The following CELF2 variants were observed in gnomAD, a reference collection of about 807,000 sequenced individuals.
CELF2 encodes CUGBP Elav-like family member 2.
In CELF2, 8 loss-of-function variants were observed where a neutral mutation model predicts 62.6. The ratio of observed to expected loss-of-function variants is 0.13; its 90% CI spans 0.07 to 0.23. The LOEUF is 0.23. Ranked by LOEUF, CELF2 falls within the 10% of genes least tolerant of loss-of-function variation. CELF2 has a pLI of 1.00. For missense variants in CELF2, 333 were observed against 671.0 expected, an observed-to-expected ratio of 0.50 and a Z score of 5.56; for synonymous variants, 258 against 250.0, an observed-to-expected ratio of 1.03 and a Z score of -0.30.
chr10:10,648,461 C>T, the CELF2 span, among the ~76,000 whole-genome samples: 8 of 152,192 alleles, frequency 5.3e-5, no homozygotes, highest in Non-Finnish European at 7.3e-5. Context: ...ATACTTATCG[C>T]TCACTAGTTT....
In CELF2 at chr10:11,316,808, G is replaced by A. The variant is rs1283334613; in HGVS notation, c.1096+2550G>A. On this transcript the variant is annotated intron_variant, in intron 10 of 12. Transcript: ENST00000633077. This position sits in a 1 kb window ranked among gnomAD's most constrained non-coding sequence, Gnocchi z 4.4. ...TCCCAAAAAACGAAGTTTTTGGTCA[G>A]TAGACAAGTAGCTCAATTAAACTGT... 6.6e-6 allele frequency: 1 copy of A among 152,186 alleles called. No homozygotes were observed. The highest frequency in any genetic ancestry group is 2.1e-4 in the South Asian group (1 of 4,830). 9.4% of individuals were successfully genotyped at this position (152,186 alleles called of 1,614,324 possible).
At chr10:10,775,970 T>C in the CELF2 span, among the ~76,000 whole-genome samples, 1 of 152,150 alleles carries the variant, frequency 6.6e-6, no homozygotes, top group Non-Finnish European at 1.5e-5. Flanking sequence ...CCTTGTCACT[T>C]ACAAGCTGGG....
At chr10:10,662,095 G>A in the CELF2 span, among the ~76,000 whole-genome samples, 710 of 152,222 alleles carry the variant, frequency 4.7e-3, 4 homozygotes, top group Non-Finnish European at 7.1e-3. Flanking sequence ...GCCATTAACA[G>A]CCAGCACACA....
chr10:10,536,638 C>T, the CELF2 span, among the ~76,000 whole-genome samples: 1 of 152,160 alleles, frequency 6.6e-6, no homozygotes, highest in African/African-American at 2.4e-5. Flanking sequence ...GCAAGTGTCC[C>T]AACAGGTAAC....
chr10:10,904,336 C>G (rs1182447515), intron 1 of CELF2, among the ~76,000 whole-genome samples: 3 of 151,928 alleles, frequency 2.0e-5, no homozygotes, highest in African/African-American at 7.3e-5. Context: ...AAGCGATCCT[C>G]CCACGTCTAC....
At chr10:10,788,006 C>G in the CELF2 span, among the ~76,000 whole-genome samples, 9 of 152,136 alleles carry the variant, frequency 5.9e-5, no homozygotes, top group African/African-American at 1.7e-4. Context: ...GACTCTACCA[C>G]TAGATTAGAA....
At chr10:10,989,443 A>G (rs908034987) in intron 2 of CELF2, among the ~76,000 whole-genome samples, 10 of 152,136 alleles carry the variant, frequency 6.6e-5, no homozygotes, top group African/African-American at 2.4e-4. Flanking sequence ...CTTACCCCAA[A>G]AACCCCAGGG....
At chr10:10,825,371 A>G (rs1010882479) in intron 1 of CELF2, among the ~76,000 whole-genome samples, 2 of 151,982 alleles carry the variant, frequency 1.3e-5, no homozygotes, top group Non-Finnish European at 2.9e-5. Context: ...CACCAAGCCC[A>G]GCTAATTTTT....
rs188053419 is a variant in CELF2, at chr10:11,224,463, T to C, written c.354+6956T>C. On this transcript the variant is annotated intron_variant, in intron 3 of 12. Coordinates refer to ENST00000633077, the MANE Select transcript of CELF2 (RefSeq NM_001326342.2). The surrounding 1 kb of genome is among the most constrained non-coding windows in gnomAD (Gnocchi z 4.5). Reference sequence around the variant, plus strand: ...CCAAGATTAAACTGGGAATATGCAGTTCACTTACGTCGACCTTAGTTCCCA... The same window carrying C: ...CCAAGATTAAACTGGGAATATGCAGCTCACTTACGTCGACCTTAGTTCCCA... Among the ~76,000 whole-genome samples, 90 of 152,262 alleles carry C rather than the reference T, an allele frequency of 5.9e-4. No individual in the cohort carries two copies. Among genetic ancestry groups the C allele is most frequent in the African/African-American group, 2.1e-3 (86 of 41,554 alleles).
the CELF2 span, among the ~76,000 whole-genome samples, chr10:10,597,139 T>A: frequency 1.3e-5 from 2 of 152,274 alleles, no homozygotes; most frequent in South Asian, 4.1e-4. Context: ...CAAATATGAA[T>A]TTTCTAAGTG....
chr10:10,501,398 G>A, the CELF2 span, among the ~76,000 whole-genome samples: 5 of 152,000 alleles, frequency 3.3e-5, no homozygotes, highest in East Asian at 1.9e-4. Context: ...TGACTTCCGC[G>A]TATCCTCTTT....
At chr10:11,005,255 G>GAGGGA (rs1554767090), upstream of CELF2, 1 of 1,080,494 alleles carries the variant, frequency 9.3e-7, no homozygotes, top group Non-Finnish European at 1.2e-6. The surrounding 1 kb of genome is among the most constrained non-coding windows in gnomAD (Gnocchi z 4.3). Context: ...AGAGAGAGAG[G>GAGGGA]GAGAGAGAGA....
intron 1 of CELF2, among the ~76,000 whole-genome samples, chr10:10,902,343 A>G (rs181716615): frequency 3.2e-4 from 48 of 152,354 alleles, no homozygotes; most frequent in Admixed American, 5.2e-4. Context: ...AACAACCCAC[A>G]TGTTCCTCAA....
chr10:11,120,167 T>TCTTCAGAGTTCAGTG (rs1451594470), intron 1 of CELF2, among the ~76,000 whole-genome samples: 1 of 152,156 alleles, frequency 6.6e-6, no homozygotes, highest in African/African-American at 2.4e-5. Context: ...GGGGATACTG[T>TCTTCAGAGTTCAGTG]CTTCAGAGTT....
the CELF2 span, among the ~76,000 whole-genome samples, chr10:10,617,547 G>T: frequency 6.6e-6 from 1 of 152,082 alleles, no homozygotes; most frequent in South Asian, 2.1e-4. Context: ...AGCACATTGT[G>T]AGGGATCAAT....
chr10:10,499,732 G>A, the CELF2 span, among the ~76,000 whole-genome samples: 4 of 152,146 alleles, frequency 2.6e-5, no homozygotes, highest in Non-Finnish European at 4.4e-5. Context: ...ACAAAAATTA[G>A]CCGGGCGTGG....
chr10:10,861,916 A>G (rs1362417729), intron 1 of CELF2, among the ~76,000 whole-genome samples: 5 of 152,194 alleles, frequency 3.3e-5, no homozygotes, highest in African/African-American at 1.2e-4. Context: ...CAATAGGTCT[A>G]ATAAAAGGCA....
At chr10:11,111,392 A>G (rs2055126555) in intron 1 of CELF2, among the ~76,000 whole-genome samples, 1 of 152,172 alleles carries the variant, frequency 6.6e-6, no homozygotes, top group Non-Finnish European at 1.5e-5. Flanking sequence ...AGTGTTTGTC[A>G]GTTGTAGTTA....
rs1442289130 is a variant in CELF2, at chr10:10,983,306, G to T, written c.89+63307G>T. On this transcript the variant is annotated intron_variant, in intron 2 of 13. Coordinates refer to the CELF2 transcript ENST00000636488. This position sits in a 1 kb window ranked among gnomAD's most constrained non-coding sequence, Gnocchi z 5.2. ...TACACATTTTAGTAAAACTAGCTGAGGGTGCTTGGGGGTAGGGTATTCAGT... is the reference window on the plus strand; with the variant it reads ...TACACATTTTAGTAAAACTAGCTGATGGTGCTTGGGGGTAGGGTATTCAGT... Among the ~76,000 whole-genome samples the T allele has an allele frequency of 6.6e-6, 1 of 152,118 alleles. No individual in the cohort carries two copies. The highest frequency in any genetic ancestry group is 1.5e-5 in the Non-Finnish European group (1 of 68,026).
Sources: allele counts gnomAD v4.1 joint callset (sites outside exome capture counted in the v4.1 genomes callset), GRCh38; gene constraint gnomAD v4.1.1; non-coding constraint Gnocchi (gnomAD v3.1); transcripts MANE v1.5; gene names NCBI Gene and HGNC (gene_info 2026-07-23, HGNC 2026-07-21).